The following BMP8A variants were observed in gnomAD, a reference collection of about 807,000 sequenced individuals.
BMP8A encodes bone morphogenetic protein 8a.
BMP8A carries 14 observed loss-of-function variants against 36.8 expected under a neutral mutation model. That is an observed-to-expected ratio of 0.38 (90% CI 0.25 to 0.60). BMP8A has a LOEUF of 0.60. Among genes scored for constraint, BMP8A ranks in the 20% least tolerant of loss-of-function variants. The probability of loss-of-function intolerance (pLI) is 0.63; values close to 1 mark genes in which losing one functional copy is unlikely to be tolerated. For missense variants in BMP8A, 267 were observed against 551.1 expected, an observed-to-expected ratio of 0.48 and a Z score of 5.16; for synonymous variants, 120 against 237.7, an observed-to-expected ratio of 0.50 and a Z score of 4.55.
chr1:39,492,597 G>A (rs1402657723), intron 1 of BMP8A, among the ~76,000 whole-genome samples: 1 of 152,244 alleles, frequency 6.6e-6, no homozygotes, highest in Non-Finnish European at 1.5e-5. Context: ...TAAGAATTAG[G>A]TGATGTCTTT....
intron 3 of BMP8A, among the ~76,000 whole-genome samples, chr1:39,519,106 A>G (rs912275048): frequency 8.7e-6 from 1 of 114,586 alleles, no homozygotes; most frequent in Admixed American, 9.2e-5. Context: ...GACCCCCCAT[A>G]AGACCCTTGA....
At position 39,501,874 on chromosome 1, in the gene BMP8A, T is replaced by C. The variant is rs952758354; in HGVS notation, c.335-9300T>C. ...TGCCATTTTGCATTCCTGCCAGCAA[T>C]GCCCAGAAGTGTTCAGGTCTGATCT... On this transcript the variant is annotated intron_variant, in intron 1 of 6. Transcript: ENST00000331593. 7.2e-5 allele frequency among the ~76,000 whole-genome samples: 11 copies of C among 152,360 alleles called. No homozygotes were observed. The East Asian group carries it at 1.2e-3, about 16-fold the overall frequency.
At chr1:39,510,655 C>G (rs1289332065) in intron 1 of BMP8A, among the ~76,000 whole-genome samples, 2 of 152,050 alleles carry the variant, frequency 1.3e-5, no homozygotes, top group Admixed American at 6.5e-5. Context: ...GCTGTCAGCC[C>G]TGAGCCCTCC....
intron 3 of BMP8A, among the ~76,000 whole-genome samples, chr1:39,517,776 C>T (rs1645404353): frequency 6.6e-6 from 1 of 152,212 alleles, no homozygotes; most frequent in African/African-American, 2.4e-5. Context: ...GGACCATCTC[C>T]AAGGGAAGGG....
chr1:39,524,543 T>C lies in BMP8A; in HGVS notation c.1060-1106T>C, dbSNP rs1570318036. ...GCAAGGCCCTAAGACAGGAGCAGGC[T>C]GGCCCTAAGTTCAGGGCCAGCAGGG... On this transcript the variant is annotated intron_variant, in intron 6 of 6. Coordinates refer to ENST00000331593, the MANE Select transcript of BMP8A (RefSeq NM_181809.4). The surrounding 1 kb of genome is among the most constrained non-coding windows in gnomAD (Gnocchi z 4.0). Among the ~76,000 whole-genome samples the C allele has an allele frequency of 6.6e-6, 1 of 151,998 alleles. No homozygotes were observed. Among genetic ancestry groups the C allele is most frequent in the African/African-American group, 2.4e-5 (1 of 41,382 alleles).
At position 39,526,344 on chromosome 1, in the gene BMP8A, T is replaced by G. The variant is rs1645483285; in HGVS notation, c.*546T>G. Among the ~76,000 whole-genome samples, 1 of 151,938 alleles carries G rather than the reference T, an allele frequency of 6.6e-6. No homozygotes were observed. The highest frequency in any genetic ancestry group is 6.6e-5 in the Admixed American group (1 of 15,266). Reference sequence around the variant, plus strand: ...TCCCCACGAAGCCACTGGGGATTTTTTTTTTTTTTTTCCAGATAGAGTCTC... The same window carrying G: ...TCCCCACGAAGCCACTGGGGATTTTGTTTTTTTTTTTCCAGATAGAGTCTC... On this transcript the variant is annotated 3_prime_UTR_variant, in exon 7 of 7. Coordinates refer to ENST00000331593, the MANE Select transcript of BMP8A (RefSeq NM_181809.4).
rs75166348 is a variant in BMP8A, at chr1:39,516,519, G to C, written c.673+4615G>C. The C allele has an allele frequency of 2.0e-4, 269 of 1,330,264 alleles. 4 individuals are homozygous for C. In the East Asian group the frequency reaches 7.3e-3, roughly 36 times the overall value. 82.4% of individuals were successfully genotyped at this position (1,330,264 alleles called of 1,614,324 possible). A position where few individuals can be genotyped will look rare whatever the true frequency, so the allele number is the denominator to read the frequency against. On this transcript the variant is annotated intron_variant, in intron 3 of 6. Coordinates refer to ENST00000331593, the MANE Select transcript of BMP8A (RefSeq NM_181809.4). The stretch of plus-strand genomic sequence containing the variant: ...GACCTGGATCTGGGCGGGGTGGTGC[G>C]CTCCTCAGGGCGGATGCCACCGGGT...
chr1:39,500,416 C>T (rs1309930594), intron 1 of BMP8A, among the ~76,000 whole-genome samples: 2 of 152,152 alleles, frequency 1.3e-5, no homozygotes, highest in Admixed American at 6.5e-5. Context: ...GGGGCAGAGG[C>T]CAGGGGTGCT....
At chr1:39,496,731 AAC>A (rs1645208273) in intron 1 of BMP8A, among the ~76,000 whole-genome samples, 1 of 152,194 alleles carries the variant, frequency 6.6e-6, no homozygotes, top group African/African-American at 2.4e-5. Flanking sequence ...CTCCATGTGA[AAC>A]ACAGCAGCTG....
intron 1 of BMP8A, among the ~76,000 whole-genome samples, chr1:39,499,495 A>G (rs115287728): frequency 0.013 from 1,996 of 152,348 alleles, 37 homozygotes; most frequent in African/African-American, 0.045. Flanking sequence ...AGGTTGTCTG[A>G]GTGAGACTAA....
rs1570318157 is a variant in BMP8A at position 39,524,617 on chromosome 1, T to C, written c.1060-1032T>C. On this transcript the variant is annotated intron_variant, in intron 6 of 6. Coordinates refer to ENST00000331593, the MANE Select transcript of BMP8A (RefSeq NM_181809.4). This position sits in a 1 kb window ranked among gnomAD's most constrained non-coding sequence, Gnocchi z 4.0. ...AGGGGAGGAGAGTGGAGGGAGGTGA[T>C]GCCGGGGTGAGCCAGGCCAGCTCCC... Among the ~76,000 whole-genome samples the C allele has an allele frequency of 6.6e-6, 1 of 151,980 alleles. No individual in the cohort carries two copies. The highest frequency in any genetic ancestry group is 1.5e-5 in the Non-Finnish European group (1 of 67,938).
intron 3 of BMP8A, among the ~76,000 whole-genome samples, chr1:39,517,067 C>T (rs1319208906): frequency 1.3e-5 from 2 of 152,102 alleles, no homozygotes; most frequent in Non-Finnish European, 2.9e-5. Context: ...GATCTCACTG[C>T]AACCTCTGCC....
At chr1:39,508,905 G>T (rs1645326150) in intron 1 of BMP8A, among the ~76,000 whole-genome samples, 1 of 152,210 alleles carries the variant, frequency 6.6e-6, no homozygotes, top group Non-Finnish European at 1.5e-5. Flanking sequence ...TTCCTGGGTG[G>T]TTTATCGATT....
chr1:39,510,886 A>G (rs1645347767), intron 1 of BMP8A, among the ~76,000 whole-genome samples: 1 of 152,176 alleles, frequency 6.6e-6, no homozygotes, highest in Non-Finnish European at 1.5e-5. Context: ...AGCCGGGCCA[A>G]GAAGGGGCGC....
At position 39,528,582 on chromosome 1, in the gene BMP8A, A is replaced by C. The variant is rs1307294059; in HGVS notation, c.*2784A>C. Reference sequence around the variant, plus strand: ...CAAAGTCCTGTTTCTTTGTCTTTACATAGGGACCGGGCGATGCGCTTTAGA... The same window carrying C: ...CAAAGTCCTGTTTCTTTGTCTTTACCTAGGGACCGGGCGATGCGCTTTAGA... On this transcript the variant is annotated 3_prime_UTR_variant, in exon 7 of 7. Coordinates refer to ENST00000331593, the MANE Select transcript of BMP8A (RefSeq NM_181809.4). Among the ~76,000 whole-genome samples, 2 of 152,200 alleles carry C rather than the reference A, an allele frequency of 1.3e-5. No homozygotes were observed. Among genetic ancestry groups the C allele is most frequent in the Non-Finnish European group, 1.5e-5 (1 of 68,034 alleles).
At chr1:39,496,684 G>C (rs1379899522) in intron 1 of BMP8A, among the ~76,000 whole-genome samples, 1 of 152,136 alleles carries the variant, frequency 6.6e-6, no homozygotes, top group African/African-American at 2.4e-5. Context: ...GCAGTTAGGT[G>C]GTTTTCCCAA....
At chr1:39,501,077 A>G (rs1645250045) in intron 1 of BMP8A, among the ~76,000 whole-genome samples, 1 of 152,246 alleles carries the variant, frequency 6.6e-6, no homozygotes, top group Non-Finnish European at 1.5e-5. Flanking sequence ...GTGGGTGTGT[A>G]CAAAGAGAGC....
Position 39,491,854 on chromosome 1 carries a change from C to T in BMP8A, c.-138C>T. The T allele has an allele frequency of 1.3e-6, 1 of 773,762 alleles. No homozygotes were observed. The highest frequency in any genetic ancestry group is 5.9e-5 in the South Asian group (1 of 16,816). 47.9% of individuals were successfully genotyped at this position (773,762 alleles called of 1,614,324 possible). On this transcript the variant is annotated 5_prime_UTR_variant, in exon 1 of 7. Coordinates refer to ENST00000331593, the MANE Select transcript of BMP8A (RefSeq NM_181809.4). The stretch of plus-strand genomic sequence containing the variant: ...CGCGCGGGGGGCGCTCCAGGGACCG[C>T]GCTGAGGCCGCAGACGCCGCCCGCC...
intron 1 of BMP8A, among the ~76,000 whole-genome samples, chr1:39,493,004 C>T (rs1162497345): frequency 6.6e-6 from 1 of 152,212 alleles, no homozygotes; most frequent in Non-Finnish European, 1.5e-5. Flanking sequence ...CCGGGCTTTT[C>T]CTGTCTGCAA....
Sources: gnomAD v4.1 joint callset for allele counts (sites outside exome capture counted in the v4.1 genomes callset) on GRCh38, gnomAD v4.1.1 for gene constraint, Gnocchi (gnomAD v3.1) non-coding constraint, MANE v1.5 for transcripts, NCBI Gene and HGNC (gene_info 2026-07-23, HGNC 2026-07-21) for gene names.